Variants in MPHOSPH9 observed in about 807,000 individuals in gnomAD.
The protein encoded by MPHOSPH9 is M-phase phosphoprotein 9.
Under a neutral mutation model 145.5 loss-of-function variants are expected in MPHOSPH9, and 88 were observed. The ratio of observed to expected loss-of-function variants is 0.60; its 90% CI spans 0.51 to 0.72. MPHOSPH9 has a LOEUF of 0.72. Among genes scored for constraint, MPHOSPH9 ranks in the 30% least tolerant of loss-of-function variants. The probability of loss-of-function intolerance (pLI) is 0.00; values close to 1 mark genes in which losing one functional copy is unlikely to be tolerated. For missense variants in MPHOSPH9, 1,238 were observed against 1,386.6 expected, an observed-to-expected ratio of 0.89 and a Z score of 1.70; for synonymous variants, 435 against 486.2, an observed-to-expected ratio of 0.89 and a Z score of 1.39.
At chr12:123,234,137 T>A (rs898834601), upstream of MPHOSPH9, among the ~76,000 whole-genome samples, 2 of 152,096 alleles carry the variant, frequency 1.3e-5, no homozygotes, top group Non-Finnish European at 2.9e-5. Context: ...CTCCTCCCCG[T>A]GGGACCCCAG....
chr12:123,180,174 C>T (rs2045061336), intron 14 of MPHOSPH9, among the ~76,000 whole-genome samples, 184 bp from the exon 15 acceptor site: 4 of 151,654 alleles, frequency 2.6e-5, no homozygotes, highest in Non-Finnish European at 5.9e-5. Context: ...AGCAAAGCAC[C>T]GGCCTACACA....
chr12:123,233,485 T>C (rs1050767913), upstream of MPHOSPH9: 1 of 152,270 alleles, frequency 6.6e-6, no homozygotes. Context: ...TGAGGTGATT[T>C]GGATATCCCT....
intron 8 of MPHOSPH9, among the ~76,000 whole-genome samples, chr12:123,206,124 T>C (rs1308771385): frequency 1.2e-4 from 18 of 151,730 alleles, no homozygotes; most frequent in Admixed American, 1.2e-3. Flanking sequence ...GAAGATAACG[T>C]GGGAAAACAC....
In MPHOSPH9 at chr12:123,210,070, C is replaced by T. The variant is rs2046637782; in HGVS notation, c.1180G>A (p.Val394Met). ...TTTTAAATTACCTGGTTTGGTGACA[C>T]ATCTGTGGAAGACAATGATATGAAC... is the stretch of plus-strand genomic sequence containing the variant. ...KTFISLSSTD[V>M]SPNQSNTSNE... is the part of the protein sequence containing the mutation. The change falls in exon 8 of 24, where the codon GTG becomes ATG. Residue 394 changes from valine to methionine, a missense_variant. Val to Met is a conservative substitution (Grantham distance 21, BLOSUM62 1). Transcript: ENST00000606320. The T allele has an allele frequency of 6.2e-7, 1 of 1,609,268 alleles. No homozygotes were observed. Among genetic ancestry groups the T allele is most frequent in the South Asian group, 1.1e-5 (1 of 90,398 alleles).
At chr12:123,190,842 G>A (rs543805832) in intron 13 of MPHOSPH9, among the ~76,000 whole-genome samples, 3 of 152,232 alleles carry the variant, frequency 2.0e-5, no homozygotes, top group African/African-American at 7.2e-5. Flanking sequence ...AGGCTAGAAC[G>A]GTATTTGTTA....
chr12:123,182,249 G>GTTTTT (rs72067812), intron 13 of MPHOSPH9, among the ~76,000 whole-genome samples: 3 of 137,236 alleles, frequency 2.2e-5, no homozygotes, highest in South Asian at 2.3e-4. Flanking sequence ...TTTTTTTTGT[G>GTTTTT]TTTTTTTTTT....
chr12:123,160,840 C>T lies in MPHOSPH9; in HGVS notation c.3391G>A (p.Ala1131Thr). 1 of 1,613,740 alleles carries T rather than the reference C, an allele frequency of 6.2e-7. No individual in the cohort carries two copies. The highest frequency in any genetic ancestry group is 8.5e-7 in the Non-Finnish European group (1 of 1,179,886). The change falls in exon 23 of 24, where the codon GCA (alanine) becomes ACA (threonine). Residue 1131 changes from alanine (A) to threonine (T), a missense_variant. By Grantham distance (58) the Ala-to-Thr change is moderately conservative. Coordinates refer to ENST00000606320, the MANE Select transcript of MPHOSPH9 (RefSeq NM_022782.4). ...CCAGGAGAAGGCATCCTGCTTAGTG[C>T]TGCCTCAATCTGTTAACACACGAAA... ...LTKEKDQIEA[A>T]LSRMPSPGGR...
chr12:123,221,325 A>C (rs2047192928), intron 5 of MPHOSPH9, 47 bp downstream of exon 5: 1 of 1,405,306 alleles, frequency 7.1e-7, no homozygotes, highest in African/African-American at 1.4e-5. Flanking sequence ...GGAACACTAG[A>C]TTCTAAATGT....
rs1393673119 is a variant in MPHOSPH9, at chr12:123,154,218, T to G, written c.*2589A>C. The G allele has an allele frequency of 6.6e-6, 1 of 151,260 alleles. No individual in the cohort carries two copies. Among genetic ancestry groups the G allele is most frequent in the African/African-American group, 2.4e-5 (1 of 41,140 alleles). 9.4% of individuals were successfully genotyped at this position (151,260 alleles called of 1,614,324 possible). ...GAGGTGGCAGATTTGCTTAGGGTTT[T>G]TTTTTTTTTTTTCTTTTTAAACTAT... On this transcript the variant is annotated 3_prime_UTR_variant, in exon 24 of 24. Transcript: ENST00000606320.
At chr12:123,178,286 G>T (rs959212529) in intron 15 of MPHOSPH9, among the ~76,000 whole-genome samples, 1 of 152,190 alleles carries the variant, frequency 6.6e-6, no homozygotes, top group Non-Finnish European at 1.5e-5. Flanking sequence ...AGGAAGATTT[G>T]AGAAATAATA....
rs537700352 is a variant in MPHOSPH9, at chr12:123,187,274, G to A, written c.2242-6064C>T. 7.9e-5 allele frequency among the ~76,000 whole-genome samples: 12 copies of A among 151,782 alleles called. No homozygotes were observed. The South Asian group carries it at 1.0e-3, about 13-fold the overall frequency. On this transcript the variant is annotated intron_variant, in intron 13 of 23. Transcript: ENST00000606320. ...AAACTCTGTCTCAAAAAAAAAGAAC[G>A]AACGAACAATATCAGTACATTATTT...
intron 15 of MPHOSPH9, among the ~76,000 whole-genome samples, chr12:123,178,802 G>C (rs1334905657): frequency 6.6e-6 from 1 of 152,110 alleles, no homozygotes; most frequent in Non-Finnish European, 1.5e-5. Context: ...GAGATTATAG[G>C]CGTGAGCCAC....
chr12:123,225,792 T>C (rs1260687185), intron 3 of MPHOSPH9, among the ~76,000 whole-genome samples: 2 of 152,142 alleles, frequency 1.3e-5, no homozygotes, highest in South Asian at 2.1e-4. Flanking sequence ...TCCCAGCACT[T>C]TGGGAAGCCA....
intron 16 of MPHOSPH9, among the ~76,000 whole-genome samples, chr12:123,169,178 C>T (rs1167528975): frequency 2.6e-5 from 4 of 151,398 alleles, no homozygotes; most frequent in South Asian, 2.1e-4. Context: ...TGAGCCACTG[C>T]GCCCGGCCCA....
Position 123,210,040 on chromosome 12 carries a change from T to A in MPHOSPH9, c.1194+16A>T, listed in dbSNP as rs1421048397. ...CGTAAGCCACCGCGCCCGGCCACCG[T>A]GTGTTTTTAAATTACCTGGTTTGGT... is the stretch of plus-strand genomic sequence containing the variant. On this transcript the variant is annotated intron_variant, in intron 8 of 23. Transcript: ENST00000606320. The A allele has an allele frequency of 1.9e-6, 3 of 1,584,482 alleles. No homozygotes were observed. Among genetic ancestry groups the A allele is most frequent in the African/African-American group, 2.7e-5 (2 of 73,808 alleles).
At chr12:123,161,047 G>T in intron 22 of MPHOSPH9, 89 bp downstream of exon 22, 2 of 1,490,740 alleles carry the variant, frequency 1.3e-6, no homozygotes, top group East Asian at 2.3e-5. Context: ...GTAATTTCCT[G>T]AGACAGGTTT....
At chr12:123,179,734 AAGAG>A (rs1199466778) in intron 15 of MPHOSPH9, among the ~76,000 whole-genome samples, 188 bp downstream of exon 15, 67 of 151,186 alleles carry the variant, frequency 4.4e-4, no homozygotes, top group South Asian at 4.2e-3. Flanking sequence ...AAAAAAAAAA[AAGAG>A]AGAGAGAGAG....
intron 11 of MPHOSPH9, among the ~76,000 whole-genome samples, chr12:123,201,666 ACCATGCC>A (rs1431971591): frequency 6.6e-6 from 1 of 152,164 alleles, no homozygotes; most frequent in African/African-American, 2.4e-5. Flanking sequence ...GACGTGAGCC[ACCATGCC>A]TGATCAAGTC....
intron 3 of MPHOSPH9, among the ~76,000 whole-genome samples, chr12:123,225,474 G>A (rs751244962): frequency 8.2e-5 from 11 of 134,700 alleles, no homozygotes; most frequent in Admixed American, 2.5e-4. Context: ...AGAAAGAAAA[G>A]AGAGAGAATG....
Sources: allele counts gnomAD v4.1 joint callset (sites outside exome capture counted in the v4.1 genomes callset), GRCh38; gene constraint gnomAD v4.1.1; transcripts MANE v1.5; gene names NCBI Gene and HGNC (gene_info 2026-07-23, HGNC 2026-07-21).